Variants in KAZN observed in about 807,000 individuals in gnomAD.
KAZN encodes the protein kazrin.
KAZN carries 40 observed loss-of-function variants against 87.4 expected under a neutral mutation model. The observed-to-expected ratio is 0.46, with a 90% CI of 0.36 to 0.60. KAZN has a LOEUF of 0.60. KAZN is among the 20% of genes least tolerant of loss of function. KAZN has a pLI of 0.00. For missense variants in KAZN, 898 were observed against 1,073.9 expected, an observed-to-expected ratio of 0.84 and a Z score of 2.29; for synonymous variants, 466 against 458.3, an observed-to-expected ratio of 1.02 and a Z score of -0.22.
intron 1 of KAZN, among the ~76,000 whole-genome samples, chr1:13,981,120 A>AT (rs1638682216): frequency 4.5e-5 from 1 of 22,206 alleles, no homozygotes; most frequent in African/African-American, 1.9e-4. Context: ...TGTATATATA[A>AT]ACACAGATTA....
chr1:14,390,379 C>T (rs938479361), intron 2 of KAZN, among the ~76,000 whole-genome samples: 5 of 152,086 alleles, frequency 3.3e-5, no homozygotes, highest in South Asian at 2.1e-4. Flanking sequence ...TTGGAAAGGG[C>T]GAAATCATGA....
At chr1:14,887,276 C>T (rs1176835312) in intron 1 of KAZN, among the ~76,000 whole-genome samples, 1 of 152,076 alleles carries the variant, frequency 6.6e-6, no homozygotes, top group African/African-American at 2.4e-5. Context: ...TTCTTTTCTC[C>T]CTGTGCAATG....
intron 2 of KAZN, among the ~76,000 whole-genome samples, chr1:15,034,276 A>G (rs1213561228): frequency 6.6e-6 from 1 of 152,200 alleles, no homozygotes; most frequent in Non-Finnish European, 1.5e-5. Flanking sequence ...GTCTTAGTGC[A>G]TGTTTTTAAC....
intron 2 of KAZN, among the ~76,000 whole-genome samples, chr1:14,394,715 G>A (rs1662747582): frequency 6.6e-6 from 1 of 152,212 alleles, no homozygotes; most frequent in African/African-American, 2.4e-5. Context: ...AACTCCCACT[G>A]TTTCTCAGTC....
At chr1:14,754,113 C>T (rs1035108073) in intron 1 of KAZN, among the ~76,000 whole-genome samples, 8 of 152,138 alleles carry the variant, frequency 5.3e-5, no homozygotes, top group Non-Finnish European at 1.2e-4. Context: ...GCTCCAGCCA[C>T]GGGGAAGAGT....
chr1:14,221,583 A>G lies in KAZN; in HGVS notation c.249+40991A>G, dbSNP rs145777281. On this transcript the variant is annotated intron_variant, in intron 2 of 16. Transcript: ENST00000636203. Reference sequence around the variant, plus strand: ...AAAATCACTGCAGAGCTTGCCAGCTAGAATTATTTTCTGGCTTATTATAAT... The same window carrying G: ...AAAATCACTGCAGAGCTTGCCAGCTGGAATTATTTTCTGGCTTATTATAAT... 5.0e-3 allele frequency among the ~76,000 whole-genome samples: 765 copies of G among 152,276 alleles called. 5 individuals are homozygous for G. The highest frequency in any genetic ancestry group is 0.017 in the African/African-American group (710 of 41,554).
chr1:15,034,158 G>A (rs1317003746), intron 2 of KAZN, among the ~76,000 whole-genome samples: 1 of 152,202 alleles, frequency 6.6e-6, no homozygotes, highest in Non-Finnish European at 1.5e-5. Context: ...CATTCTATGA[G>A]TTGTCCTTTA....
intron 2 of KAZN, among the ~76,000 whole-genome samples, chr1:14,366,486 AACTGGAGGGCGGGC>A (rs1553162703): frequency 6.6e-6 from 1 of 152,244 alleles, no homozygotes; most frequent in South Asian, 2.1e-4. Flanking sequence ...CACTGGCGGG[AACTGGAGGGCGGGC>A]ACTGGAGCTA....
intron 1 of KAZN, among the ~76,000 whole-genome samples, chr1:14,749,271 T>G (rs6429677): frequency 6.6e-6 from 1 of 152,018 alleles, no homozygotes; most frequent in Non-Finnish European, 1.5e-5. Flanking sequence ...GAGTTGAAAC[T>G]AATTTGATGT....
intron 1 of KAZN, among the ~76,000 whole-genome samples, chr1:14,781,714 G>A (rs551752417): frequency 3.3e-5 from 5 of 152,120 alleles, no homozygotes; most frequent in African/African-American, 7.2e-5. Context: ...GCTCACGCCT[G>A]TAATCCCAGC....
At chr1:14,164,583 C>A (rs1645782397) in intron 1 of KAZN, among the ~76,000 whole-genome samples, 1 of 146,102 alleles carries the variant, frequency 6.8e-6, no homozygotes, top group Non-Finnish European at 1.5e-5. Context: ...TCTTGTTGCC[C>A]AGACTGGAGT....
chr1:14,364,472 A>G (rs1236043292), intron 2 of KAZN, among the ~76,000 whole-genome samples: 2 of 152,190 alleles, frequency 1.3e-5, no homozygotes, highest in East Asian at 3.9e-4. Context: ...GTTATTATTC[A>G]TCTCTAAAAT....
chr1:15,107,142 A>C (rs545416), intron 13 of KAZN, among the ~76,000 whole-genome samples: 129,008 of 152,104 alleles, frequency 0.85, 55,073 homozygotes, highest in East Asian at 0.94. Flanking sequence ...TCTAAGCTAG[A>C]ATAGTGCCCC....
chr1:14,831,667 A>C (rs947408586), intron 1 of KAZN, among the ~76,000 whole-genome samples: 1 of 152,208 alleles, frequency 6.6e-6, no homozygotes, highest in Non-Finnish European at 1.5e-5. Flanking sequence ...TTTTACAAAA[A>C]TATGAATACA....
intron 1 of KAZN, among the ~76,000 whole-genome samples, chr1:14,717,604 T>G (rs1016475743): frequency 6.6e-6 from 1 of 152,170 alleles, no homozygotes; most frequent in Non-Finnish European, 1.5e-5. Context: ...CAGCATGATC[T>G]CATCTTGACC....
chr1:14,458,242 T>C (rs546159857), intron 2 of KAZN, among the ~76,000 whole-genome samples: 2 of 152,362 alleles, frequency 1.3e-5, no homozygotes, highest in South Asian at 2.1e-4. Context: ...AAAATTCTAA[T>C]GGTTGAGAGT....
intron 2 of KAZN, among the ~76,000 whole-genome samples, chr1:14,365,385 T>G (rs545420882): frequency 1.5e-3 from 210 of 138,252 alleles, no homozygotes; most frequent in African/African-American, 5.1e-3. Context: ...GGGGGGGGTC[T>G]TTCAAGGTCA....
intron 1 of KAZN, among the ~76,000 whole-genome samples, chr1:14,800,049 G>C (rs1489404806): frequency 6.6e-6 from 1 of 152,146 alleles, no homozygotes; most frequent in Non-Finnish European, 1.5e-5. Flanking sequence ...GGGGACTCAA[G>C]GCTTGGATGT....
At chr1:14,518,690 C>T (rs1373322345) in intron 2 of KAZN, among the ~76,000 whole-genome samples, 1 of 152,162 alleles carries the variant, frequency 6.6e-6, no homozygotes, top group Non-Finnish European at 1.5e-5. Context: ...CCCGGCTTCC[C>T]GTCCAGGCTC....
Sources: allele counts gnomAD v4.1 joint callset (sites outside exome capture counted in the v4.1 genomes callset), GRCh38; gene constraint gnomAD v4.1.1; transcripts MANE v1.5; gene names NCBI Gene and HGNC (gene_info 2026-07-23, HGNC 2026-07-21).